Variants in CPQ observed in about 807,000 individuals in gnomAD.
The protein encoded by CPQ is Ser-Met dipeptidase.
A neutral mutation model predicts 45.7 loss-of-function variants in CPQ; 37 were observed. The ratio of observed to expected loss-of-function variants is 0.81; its 90% CI spans 0.62 to 1.07. The LOEUF is 1.07. CPQ is among the 50% of genes least tolerant of loss of function. The pLI is 0.00. For synonymous variants in CPQ, 186 were observed against 205.8 expected, an observed-to-expected ratio of 0.90 and a Z score of 0.82; for missense variants, 537 against 572.9, an observed-to-expected ratio of 0.94 and a Z score of 0.64.
At position 97,137,060 on chromosome 8, in the gene CPQ, C is replaced by T. The variant is rs945515747; in HGVS notation, c.1256-5960C>T. Among the ~76,000 whole-genome samples, 7 of 152,192 alleles carry T rather than the reference C, an allele frequency of 4.6e-5. No individual in the cohort carries two copies. The East Asian group carries it at 1.3e-3, about 29-fold the overall frequency. ...CCACCCTGGTATCTCCTGCAGTTATCAGCATTCTCACTAGTGATTGATAGA... is the reference window on the plus strand; with the variant it reads ...CCACCCTGGTATCTCCTGCAGTTATTAGCATTCTCACTAGTGATTGATAGA... On this transcript the variant is annotated intron_variant, in intron 7 of 7. Coordinates refer to ENST00000220763, the MANE Select transcript of CPQ (RefSeq NM_016134.4).
At chr8:96,989,992 C>T (rs988358979) in intron 5 of CPQ, among the ~76,000 whole-genome samples, 5 of 152,122 alleles carry the variant, frequency 3.3e-5, no homozygotes, top group East Asian at 1.9e-4. Context: ...AGCAAAATCC[C>T]GTGTCTCTCC....
intron 1 of CPQ, among the ~76,000 whole-genome samples, chr8:96,675,199 A>G (rs958603437): frequency 6.6e-6 from 1 of 152,074 alleles, no homozygotes; most frequent in African/African-American, 2.4e-5. Context: ...TCCTTGCTCT[A>G]AGCCACCACT....
intron 4 of CPQ, among the ~76,000 whole-genome samples, chr8:96,896,212 C>A (rs1466045835): frequency 6.6e-6 from 1 of 152,088 alleles, no homozygotes; most frequent in Non-Finnish European, 1.5e-5. Context: ...CTCCACCTGT[C>A]TTGCATACCA....
At chr8:96,832,461 G>T (rs892462120) in intron 2 of CPQ, among the ~76,000 whole-genome samples, 1 of 152,132 alleles carries the variant, frequency 6.6e-6, no homozygotes, top group Admixed American at 6.6e-5. Flanking sequence ...CTACATGTAC[G>T]CCAGGCACTG....
intron 1 of CPQ, among the ~76,000 whole-genome samples, chr8:96,783,636 A>G (rs1371509610): frequency 6.6e-6 from 1 of 152,194 alleles, no homozygotes; most frequent in Admixed American, 6.5e-5. Flanking sequence ...TAGCAGACAT[A>G]TAGTTTATAA....
rs1158463810 is a variant in CPQ at position 96,731,521 on chromosome 8, G to C, written c.-34-53343G>C. ...TCCTGATTGACTTGCAGCATCATAG[G>C]AATAAATGGAGGTGGGATGGGGGTG... is the stretch of plus-strand genomic sequence containing the variant. On this transcript the variant is annotated intron_variant, in intron 1 of 7. Transcript: ENST00000220763. Among the ~76,000 whole-genome samples, 17 of 152,124 alleles carry C rather than the reference G, an allele frequency of 1.1e-4. No homozygotes were observed. The East Asian group carries it at 3.1e-3, about 28-fold the overall frequency.
chr8:96,834,855 T>C (rs888974309), intron 2 of CPQ, 118 bp from the exon 3 acceptor site: 3 of 800,016 alleles, frequency 3.7e-6, no homozygotes, highest in Non-Finnish European at 5.7e-6. Flanking sequence ...AAAACTTTGA[T>C]CTTCTTATAC....
intron 1 of CPQ, among the ~76,000 whole-genome samples, chr8:96,765,503 G>GA (rs1237787455): frequency 0.01 from 1,458 of 144,602 alleles, 25 homozygotes; most frequent in African/African-American, 0.032. Context: ...GAAGAGCCTG[G>GA]AAAAAAAAAA....
intron 5 of CPQ, among the ~76,000 whole-genome samples, chr8:96,987,001 G>T (rs574266702): frequency 1.4e-4 from 21 of 152,244 alleles, no homozygotes; most frequent in Admixed American, 2.6e-4. Flanking sequence ...ATGGAGCAGG[G>T]AGTAGGTTCC....
rs141934368 is a variant in CPQ, at chr8:96,731,481, T to C, written c.-34-53383T>C. ...GGTGTACACAGATTCCCTTTACTCA[T>C]GAGGGGTCTAAAATTCCTGATTGAC... On this transcript the variant is annotated intron_variant, in intron 1 of 7. Transcript: ENST00000220763. 9.9e-5 allele frequency among the ~76,000 whole-genome samples: 15 copies of C among 152,224 alleles called. No individual in the cohort carries two copies. The East Asian group carries it at 2.1e-3, about 22-fold the overall frequency.
At chr8:97,132,750 AATG>A (rs1368897371) in intron 7 of CPQ, 1 of 152,216 alleles carries the variant, frequency 6.6e-6, no homozygotes, top group African/African-American at 2.4e-5. Context: ...AACAATTTTT[AATG>A]ATGTTTCCTC....
At chr8:96,805,014 A>G (rs1200894196) in intron 2 of CPQ, among the ~76,000 whole-genome samples, 3 of 152,186 alleles carry the variant, frequency 2.0e-5, no homozygotes, top group Non-Finnish European at 4.4e-5. Flanking sequence ...AAGAACATTT[A>G]TTAAGCACCT....
At chr8:96,812,427 A>G (rs558434604) in intron 2 of CPQ, among the ~76,000 whole-genome samples, 99 of 152,262 alleles carry the variant, frequency 6.5e-4, no homozygotes, top group South Asian at 5.0e-3. Context: ...CTGTTCATGG[A>G]AAAAAATGCT....
intron 1 of CPQ, among the ~76,000 whole-genome samples, chr8:96,702,851 G>A (rs1809484074): frequency 6.6e-6 from 1 of 151,876 alleles, no homozygotes; most frequent in South Asian, 2.1e-4. Flanking sequence ...CTTTTTTTGG[G>A]GGGGTTGTGA....
chr8:97,041,492 A>T (rs948912764), intron 6 of CPQ, among the ~76,000 whole-genome samples: 11 of 152,140 alleles, frequency 7.2e-5, no homozygotes, highest in Non-Finnish European at 1.5e-4. Context: ...CCCCTGTCTA[A>T]TTGCCCTGGC....
In CPQ at chr8:96,710,615, C is replaced by T. The variant is rs570114786; in HGVS notation, c.-35+65213C>T. Among the ~76,000 whole-genome samples, 70 of 152,268 alleles carry T rather than the reference C, an allele frequency of 4.6e-4. 1 individual carries two copies. Among genetic ancestry groups the T allele is most frequent in the African/African-American group, 1.6e-3 (68 of 41,562 alleles). ...TTTCATTGCTACCGCAAAAATCATT[C>T]AGGAGCTGATTGCTTAATTTCCATG... On this transcript the variant is annotated intron_variant, in intron 1 of 7. Transcript: ENST00000220763.
rs907887998 is a variant in CPQ at position 96,999,427 on chromosome 8, TC to T, written c.962-29972del. Among the ~76,000 whole-genome samples the T allele has an allele frequency of 9.4e-4, 143 of 152,066 alleles. 1 individual carries two copies. In the Middle Eastern group the frequency reaches 0.014, roughly 14 times the overall value. On this transcript the variant is annotated intron_variant, in intron 5 of 7. Transcript: ENST00000220763. Reference sequence around the variant, plus strand: ...TCCAAAAAGCCCTAGTGTATTTTGTTCCCCTCTACATGTTCATGTGTTCTCA... The same window carrying T: ...TCCAAAAAGCCCTAGTGTATTTTGTTCCCTCTACATGTTCATGTGTTCTCA...
At chr8:97,064,310 G>T (rs2130525610) in intron 6 of CPQ, among the ~76,000 whole-genome samples, 1 of 152,306 alleles carries the variant, frequency 6.6e-6, no homozygotes, top group South Asian at 2.1e-4. Flanking sequence ...TAGAAGGGAA[G>T]AGGCTTAGGA....
At chr8:96,965,902 T>G in intron 4 of CPQ, 33 bp from the exon 5 acceptor site, 1 of 1,415,788 alleles carries the variant, frequency 7.1e-7, no homozygotes, top group Non-Finnish European at 9.6e-7. Flanking sequence ...TTTTGCTTAG[T>G]TTTATTTTTT....
Sources: gnomAD v4.1 joint callset for allele counts (sites outside exome capture counted in the v4.1 genomes callset) on GRCh38, gnomAD v4.1.1 for gene constraint, MANE v1.5 for transcripts, NCBI Gene and HGNC (gene_info 2026-07-23, HGNC 2026-07-21) for gene names.